BTG4: variants seen among roughly 807,000 people sequenced by gnomAD.
The protein encoded by BTG4 is protein BTG4.
In BTG4, 10 loss-of-function variants were observed where a neutral mutation model predicts 19.3. That is an observed-to-expected ratio of 0.52 (90% CI 0.32 to 0.88). The LOEUF is 0.88. BTG4 is among the 40% of genes least tolerant of loss of function. The probability of loss-of-function intolerance (pLI) is 0.04; values close to 1 mark genes in which losing one functional copy is unlikely to be tolerated. For synonymous variants in BTG4, 91 were observed against 95.7 expected, an observed-to-expected ratio of 0.95 and a Z score of 0.29; for missense variants, 238 against 281.9, an observed-to-expected ratio of 0.84 and a Z score of 1.11.
At chr11:111,434,339 G>A in the BTG4 span, among the ~76,000 whole-genome samples, 2 of 152,190 alleles carry the variant, frequency 1.3e-5, no homozygotes, top group African/African-American at 4.8e-5. Context: ...CTCATAAGTG[G>A]GAGTTGAACA....
chr11:111,504,733 T>C (rs899341580), intron 1 of BTG4, among the ~76,000 whole-genome samples: 1 of 151,936 alleles, frequency 6.6e-6, no homozygotes, highest in Non-Finnish European at 1.5e-5. Flanking sequence ...AAGACTCCTC[T>C]AGAAGACTCC....
At chr11:111,492,486 C>T (rs1865480588), downstream of BTG4, among the ~76,000 whole-genome samples, 1 of 152,170 alleles carries the variant, frequency 6.6e-6, no homozygotes, top group South Asian at 2.1e-4. Context: ...TCTTACTCTG[C>T]TGAGAGAATG....
the BTG4 span, among the ~76,000 whole-genome samples, chr11:111,441,596 G>A: frequency 1.3e-5 from 2 of 152,154 alleles, no homozygotes; most frequent in African/African-American, 4.8e-5. Context: ...ATATATCCAT[G>A]CCTCTCCCAC....
chr11:111,453,380 C>T, the BTG4 span: 1 of 433,134 alleles, frequency 2.3e-6, no homozygotes, highest in Non-Finnish European at 4.7e-6. Context: ...TCGCCCTTCC[C>T]TTCCCACTCC....
At chr11:111,428,409 C>T in the BTG4 span, among the ~76,000 whole-genome samples, 1 of 152,292 alleles carries the variant, frequency 6.6e-6, no homozygotes, top group South Asian at 2.1e-4. Flanking sequence ...GCATCTCTGT[C>T]CTGCAATCCT....
chr11:111,415,887 A>G, the BTG4 span: 2 of 151,534 alleles, frequency 1.3e-5, no homozygotes, highest in Non-Finnish European at 2.9e-5. Flanking sequence ...AAAAATCAAG[A>G]AAAAAAAATA....
chr11:111,420,178 T>C, the BTG4 span, among the ~76,000 whole-genome samples: 2 of 152,200 alleles, frequency 1.3e-5, no homozygotes, highest in Non-Finnish European at 2.9e-5. Flanking sequence ...AGTCTCAAGG[T>C]GCAAAGTCCT....
chr11:111,484,235 GA>G (rs1248168791), intron 5 of BTG4, among the ~76,000 whole-genome samples: 4 of 151,464 alleles, frequency 2.6e-5, no homozygotes, highest in Non-Finnish European at 5.9e-5. Flanking sequence ...TATTCAATCT[GA>G]AAAAAAGGGA....
chr11:111,499,669 G>C (rs1865949420), intron 1 of BTG4, among the ~76,000 whole-genome samples: 1 of 152,134 alleles, frequency 6.6e-6, no homozygotes, highest in African/African-American at 2.4e-5. Context: ...TTTTGCCTTA[G>C]ATTTCTTACA....
At chr11:111,496,992 A>G (rs1009928408) in intron 4 of BTG4, 4 of 421,020 alleles carry the variant, frequency 9.5e-6, no homozygotes, top group Non-Finnish European at 1.7e-5. Flanking sequence ...TAGGACAATA[A>G]AAGATTATGT....
At chr11:111,395,293 G>T in the BTG4 span, among the ~76,000 whole-genome samples, 4 of 152,164 alleles carry the variant, frequency 2.6e-5, no homozygotes, top group Non-Finnish European at 5.9e-5. Flanking sequence ...CACAGCCCCG[G>T]TGGACTGTCA....
chr11:111,494,906 T>C lies in BTG4; in HGVS notation c.*229A>G. 1.0e-6 allele frequency: 1 copy of C among 984,962 alleles called. No homozygotes were observed. Among genetic ancestry groups the C allele is most frequent in the Non-Finnish European group, 1.2e-6 (1 of 829,506 alleles). 61.0% of individuals were successfully genotyped at this position (984,962 alleles called of 1,614,324 possible). A position where few individuals can be genotyped will look rare whatever the true frequency, so the allele number is the denominator to read the frequency against. On this transcript the variant is annotated 3_prime_UTR_variant, in exon 5 of 5. Coordinates refer to ENST00000692032, the MANE Select transcript of BTG4 (RefSeq NM_001367975.1). ...CAACATCTTCATTCTGTTACCTTAC[T>C]GGGTACATTCACTGATGTTACATAA...
intron 5 of BTG4, among the ~76,000 whole-genome samples, chr11:111,473,636 G>A (rs1864213720): frequency 6.6e-6 from 1 of 152,150 alleles, no homozygotes; most frequent in Admixed American, 6.6e-5. Flanking sequence ...AAGGATCCAA[G>A]AGAGCATAGA....
the BTG4 span, among the ~76,000 whole-genome samples, chr11:111,403,194 C>G: frequency 6.6e-6 from 1 of 152,138 alleles, no homozygotes; most frequent in Admixed American, 6.5e-5. Context: ...CTTGAGAAAC[C>G]CTCAAAGTAG....
At chr11:111,476,727 A>G (rs535151419) in intron 5 of BTG4, among the ~76,000 whole-genome samples, 1 of 152,130 alleles carries the variant, frequency 6.6e-6, no homozygotes, top group Non-Finnish European at 1.5e-5. Context: ...GTCATTGCCC[A>G]TAAGACGGGC....
At chr11:111,457,424 C>A in the BTG4 span, 6 of 153,352 alleles carry the variant, frequency 3.9e-5, no homozygotes, top group Admixed American at 3.3e-4. Flanking sequence ...TCAGCATTGT[C>A]CTCCCTCGCC....
the BTG4 span, among the ~76,000 whole-genome samples, chr11:111,400,335 C>T: frequency 4.6e-5 from 7 of 152,256 alleles, no homozygotes; most frequent in East Asian, 1.2e-3. Context: ...CTGAGGAAAG[C>T]GTATTGCATC....
At chr11:111,433,202 T>G in the BTG4 span, among the ~76,000 whole-genome samples, 1 of 152,228 alleles carries the variant, frequency 6.6e-6, no homozygotes, top group East Asian at 1.9e-4. Context: ...GAAGAGACCT[T>G]AAAGATCATC....
chr11:111,388,280 AGTTGGTTGGTTG>A, the BTG4 span, among the ~76,000 whole-genome samples: 3,500 of 145,608 alleles, frequency 0.024, 151 homozygotes, highest in African/African-American at 0.082. Context: ...GCCATGACTC[AGTTGGTTGGTTG>A]GTTGGTTGGT....
Sources: gnomAD v4.1 joint callset for allele counts (sites outside exome capture counted in the v4.1 genomes callset) on GRCh38, gnomAD v4.1.1 for gene constraint, MANE v1.5 for transcripts, NCBI Gene and HGNC (gene_info 2026-07-23, HGNC 2026-07-21) for gene names.